TBC1D8: variants seen among roughly 807,000 people sequenced by gnomAD.
TBC1D8 encodes the protein BUB2-like protein 1.
TBC1D8 carries 65 observed loss-of-function variants against 118.8 expected under a neutral mutation model. That is an observed-to-expected ratio of 0.55 (90% CI 0.45 to 0.67). The LOEUF is 0.67. Ranked by LOEUF, TBC1D8 falls within the 30% of genes least tolerant of loss-of-function variation. The pLI is 0.00. For missense variants in TBC1D8, 1,376 were observed against 1,471.2 expected, an observed-to-expected ratio of 0.94 and a Z score of 1.06; for synonymous variants, 566 against 595.8, an observed-to-expected ratio of 0.95 and a Z score of 0.73.
intron 1 of TBC1D8, among the ~76,000 whole-genome samples, chr2:101,137,890 T>A (rs867667316): frequency 1.1e-4 from 17 of 152,190 alleles, no homozygotes; most frequent in South Asian, 1.0e-3. Flanking sequence ...GGGTTCTGTA[T>A]GAGTTCATTC....
At chr2:101,040,876 C>T (rs575026092) in intron 5 of TBC1D8, among the ~76,000 whole-genome samples, 74 of 152,386 alleles carry the variant, frequency 4.9e-4, no homozygotes, top group South Asian at 2.5e-3. Context: ...ATTCTAACTG[C>T]ATGGCCAACC....
intron 17 of TBC1D8, chr2:101,019,605 T>G (rs915075927): frequency 6.6e-6 from 1 of 152,652 alleles, no homozygotes; most frequent in Non-Finnish European, 1.5e-5. Context: ...GAACTTGATT[T>G]AAATTCAGAG....
chr2:101,138,142 G>A (rs982341129), intron 1 of TBC1D8, among the ~76,000 whole-genome samples: 2 of 152,068 alleles, frequency 1.3e-5, no homozygotes, highest in South Asian at 4.1e-4. Context: ...TCTATCACGA[G>A]AACAGCACCA....
intron 19 of TBC1D8, among the ~76,000 whole-genome samples, chr2:101,009,141 C>T (rs1311527347): frequency 6.6e-6 from 1 of 152,124 alleles, no homozygotes; most frequent in African/African-American, 2.4e-5. Context: ...TGCCTGTAAT[C>T]CCAGCACTTT....
intron 5 of TBC1D8, among the ~76,000 whole-genome samples, chr2:101,042,226 T>G (rs1196224839): frequency 6.6e-6 from 1 of 152,110 alleles, no homozygotes; most frequent in Non-Finnish European, 1.5e-5. Context: ...CCACATATCC[T>G]GATTTTTGGC....
At chr2:101,137,592 G>T (rs540002374) in intron 1 of TBC1D8, among the ~76,000 whole-genome samples, 1 of 152,322 alleles carries the variant, frequency 6.6e-6, no homozygotes, top group East Asian at 1.9e-4. Context: ...GATTTGAAAT[G>T]ACTTTTAATC....
intron 1 of TBC1D8, among the ~76,000 whole-genome samples, chr2:101,125,356 T>TA (rs1209023640): frequency 6.6e-6 from 1 of 152,176 alleles, no homozygotes; most frequent in Non-Finnish European, 1.5e-5. Context: ...ATAAAATACT[T>TA]ACAGATTTAT....
In TBC1D8 at chr2:101,038,544, G is replaced by A; in HGVS notation, c.1192C>T (p.Leu398=). The change falls in exon 7 of 20, where the codon CTG becomes TTG. Residue 398 remains leucine, a synonymous_variant. Coordinates refer to ENST00000409318, the MANE Select transcript of TBC1D8 (RefSeq NM_001330348.2). ...AACCTCGCAAGCAGCGCCTCCACCAGGCTGTCTCGGTCCCGGAGCTCAATG... is the reference window on the plus strand; with the variant it reads ...AACCTCGCAAGCAGCGCCTCCACCAAGCTGTCTCGGTCCCGGAGCTCAATG... ...QFIELRDRDS[L]VEALLARLKQ... is the part of the protein sequence containing the mutation. 6.2e-7 allele frequency: 1 copy of A among 1,613,942 alleles called. No homozygotes were observed. Among genetic ancestry groups the A allele is most frequent in the Non-Finnish European group, 8.5e-7 (1 of 1,179,898 alleles).
intron 17 of TBC1D8, among the ~76,000 whole-genome samples, chr2:101,014,099 TTAG>T (rs1234074465): frequency 2.4e-4 from 36 of 152,366 alleles, no homozygotes; most frequent in African/African-American, 8.4e-4. Context: ...ATCCAATTTC[TTAG>T]TGGTGGCTTC....
At chr2:101,040,506 G>A (rs958538181) in intron 5 of TBC1D8, 121 bp from the exon 6 acceptor site, 1 of 1,053,986 alleles carries the variant, frequency 9.5e-7, no homozygotes, top group African/African-American at 1.6e-5. Context: ...GTCTCGCTCT[G>A]TCGCCCAGGA....
chr2:101,041,194 A>T (rs1681364937), intron 5 of TBC1D8, among the ~76,000 whole-genome samples: 1 of 152,238 alleles, frequency 6.6e-6, no homozygotes, highest in Non-Finnish European at 1.5e-5. Flanking sequence ...TCCTAGGTAG[A>T]TATACCCAAG....
intron 5 of TBC1D8, among the ~76,000 whole-genome samples, chr2:101,049,913 G>A (rs959478121): frequency 2.0e-5 from 3 of 150,348 alleles, no homozygotes; most frequent in African/African-American, 7.4e-5. Flanking sequence ...TGCAAGCTCC[G>A]CCTCCCGGGT....
At chr2:101,067,148 G>A (rs1213714993) in intron 2 of TBC1D8, among the ~76,000 whole-genome samples, 4 of 152,096 alleles carry the variant, frequency 2.6e-5, no homozygotes, top group East Asian at 1.9e-4. Flanking sequence ...GAGTGTTTAC[G>A]ACTTCAGTTC....
chr2:101,033,092 T>A, intron 10 of TBC1D8: 1 of 288,994 alleles, frequency 3.5e-6, no homozygotes, highest in Non-Finnish European at 6.8e-6. Flanking sequence ...CCACTACACA[T>A]GCACGTTTCT....
intron 1 of TBC1D8, among the ~76,000 whole-genome samples, chr2:101,113,658 A>G (rs1324008939): frequency 1.3e-5 from 2 of 152,226 alleles, no homozygotes; most frequent in African/African-American, 2.4e-5. Flanking sequence ...AATAAAAGGC[A>G]GGAAATGGAG....
At chr2:101,138,611 A>C (rs1368128805) in intron 1 of TBC1D8, among the ~76,000 whole-genome samples, 3 of 152,136 alleles carry the variant, frequency 2.0e-5, no homozygotes, top group African/African-American at 7.2e-5. Flanking sequence ...ACAGAAACAC[A>C]TTTCCCAGCT....
intron 2 of TBC1D8, among the ~76,000 whole-genome samples, chr2:101,061,340 T>C (rs1184752153): frequency 5.9e-5 from 9 of 152,136 alleles, no homozygotes; most frequent in African/African-American, 1.9e-4. Flanking sequence ...TTGTGGCTGC[T>C]TTGGAGTCCA....
intron 2 of TBC1D8, among the ~76,000 whole-genome samples, chr2:101,062,407 G>A (rs1331450424): frequency 6.6e-6 from 1 of 152,126 alleles, no homozygotes; most frequent in Non-Finnish European, 1.5e-5. Flanking sequence ...CAGAAGAAGA[G>A]AGAACTAAGA....
chr2:101,108,206 C>T (rs955313259), intron 1 of TBC1D8, among the ~76,000 whole-genome samples: 1 of 152,098 alleles, frequency 6.6e-6, no homozygotes, highest in Admixed American at 6.6e-5. Flanking sequence ...ATAAGAAAAG[C>T]ATCGGATAAA....
Sources: allele counts gnomAD v4.1 joint callset (sites outside exome capture counted in the v4.1 genomes callset), GRCh38; gene constraint gnomAD v4.1.1; transcripts MANE v1.5; gene names NCBI Gene and HGNC (gene_info 2026-07-23, HGNC 2026-07-21).